CCND1: variants seen among roughly 807,000 people sequenced by gnomAD.
CCND1 encodes the protein G1/S-specific cyclin-D1.
CCND1 carries 9 observed loss-of-function variants against 26.1 expected under a neutral mutation model. The observed-to-expected ratio is 0.35, with a 90% CI of 0.21 to 0.60. The LOEUF is 0.60. Among genes scored for constraint, CCND1 ranks in the 20% least tolerant of loss-of-function variants. The pLI is 0.79. For synonymous variants in CCND1, 194 were observed against 166.1 expected, an observed-to-expected ratio of 1.17 and a Z score of -1.29; for missense variants, 335 against 392.9, an observed-to-expected ratio of 0.85 and a Z score of 1.25.
chr11:69,642,999 C>G (rs2120087559), intron 1 of CCND1, 32 bp from the exon 2 acceptor site: 1 of 1,473,156 alleles, frequency 6.8e-7, no homozygotes, highest in South Asian at 1.3e-5. Flanking sequence ...CGCGACCTGG[C>G]GGCGGCGGTC....
rs1051062 is a variant in CCND1 at position 69,653,740 on chromosome 11, T to A, written c.*2458T>A. Reference sequence around the variant, plus strand: ...ATAGTAGTTTTTACAGCTGTGTTATTCTTTGCGTGTAGCTATGGAAGTTGC... The same window carrying A: ...ATAGTAGTTTTTACAGCTGTGTTATACTTTGCGTGTAGCTATGGAAGTTGC... On this transcript the variant is annotated 3_prime_UTR_variant, in exon 5 of 5. Coordinates refer to ENST00000227507, the MANE Select transcript of CCND1 (RefSeq NM_053056.3). The A allele has an allele frequency of 6.6e-3, 1,926 of 290,078 alleles. 31 individuals carry two copies. The highest frequency in any genetic ancestry group is 6.1e-3 in the Non-Finnish European group (936 of 154,326). 18.0% of individuals were successfully genotyped at this position (290,078 alleles called of 1,614,324 possible).
rs893757435 is a variant in CCND1, at chr11:69,652,313, G to A, written c.*1031G>A. 2 of 233,494 alleles carry A rather than the reference G, an allele frequency of 8.6e-6. No individual in the cohort carries two copies. The highest frequency in any genetic ancestry group is 4.4e-5 in the African/African-American group (2 of 45,280). 14.5% of individuals were successfully genotyped at this position (233,494 alleles called of 1,614,324 possible). ...ATTTCCAAGCACTTTCAGTCCAATA[G>A]GTGTAGGAAATAGCGCTGTTTTTGT... On this transcript the variant is annotated 3_prime_UTR_variant, in exon 5 of 5. Coordinates refer to ENST00000227507, the MANE Select transcript of CCND1 (RefSeq NM_053056.3).
At chr11:69,642,842 T>C (rs1348620306) in intron 1 of CCND1, among the ~76,000 whole-genome samples, 189 bp from the exon 2 acceptor site, 2 of 145,136 alleles carry the variant, frequency 1.4e-5, no homozygotes, top group East Asian at 4.7e-4. Flanking sequence ...CCTTTCAGTT[T>C]CGGGGAGGGT....
chr11:69,647,883 C>T (rs1171525680), intron 3 of CCND1, 111 bp from the exon 4 acceptor site: 1 of 1,265,936 alleles, frequency 7.9e-7, no homozygotes, highest in Admixed American at 2.0e-5. Context: ...CGAGTGCTTC[C>T]CTTCAGGCCG....
At chr11:69,645,118 G>A (rs188866568) in intron 3 of CCND1, among the ~76,000 whole-genome samples, 65 of 152,242 alleles carry the variant, frequency 4.3e-4, no homozygotes, top group Non-Finnish European at 7.5e-4. Flanking sequence ...GTTTCCAAGC[G>A]AGTCCCCAAG....
intron 3 of CCND1, among the ~76,000 whole-genome samples, chr11:69,646,457 C>G (rs1285031035): frequency 6.6e-6 from 1 of 152,182 alleles, no homozygotes; most frequent in Non-Finnish European, 1.5e-5. Context: ...GATGGGCCGC[C>G]ACACCCCTGG....
intron 2 of CCND1, 147 bp from the exon 3 acceptor site, chr11:69,643,685 C>G: frequency 4.4e-6 from 3 of 676,288 alleles, no homozygotes; most frequent in Non-Finnish European, 4.9e-6. Flanking sequence ...GCCAGCCCTC[C>G]CCTCCAACAT....
rs1565224527 is a variant in CCND1 at position 69,641,463 on chromosome 11, G to C, written c.150G>C (p.Lys50Asn). The C allele has an allele frequency of 6.2e-7, 1 of 1,613,328 alleles. No individual in the cohort carries two copies. Among genetic ancestry groups the C allele is most frequent in the Non-Finnish European group, 8.5e-7 (1 of 1,180,042 alleles). ...PSVSYFKCVQ[K>N]EVLPSMRKIV... is the part of the protein sequence containing the mutation. ...TGTCCTACTTCAAATGTGTGCAGAAGGAGGTCCTGCCGTCCATGCGGAAGA... is the reference window on the plus strand; with the variant it reads ...TGTCCTACTTCAAATGTGTGCAGAACGAGGTCCTGCCGTCCATGCGGAAGA... Residue 50 changes from lysine (K) to asparagine (N), a missense_variant, in exon 1 of 5, where the codon AAG (lysine) becomes AAC (asparagine). By Grantham distance (94) the Lys-to-Asn change is moderately conservative. Transcript: ENST00000227507.
chr11:69,648,850 C>T (rs997350432), intron 4 of CCND1, among the ~76,000 whole-genome samples: 2 of 152,006 alleles, frequency 1.3e-5, no homozygotes, highest in Non-Finnish European at 2.9e-5. Flanking sequence ...TGGCCTGGGC[C>T]GCCTCTTGGT....
chr11:69,641,244 A>G lies in CCND1; in HGVS notation c.-70A>G, dbSNP rs537554099. 13 of 1,445,010 alleles carry G rather than the reference A, an allele frequency of 9.0e-6. No homozygotes were observed. In the East Asian group the frequency reaches 2.3e-4, roughly 25 times the overall value. The allele number at this position is 1,445,010 out of a possible 1,614,324, so 89.5% of individuals were successfully genotyped here. A position where few individuals can be genotyped will look rare whatever the true frequency, so the allele number is the denominator to read the frequency against. On this transcript the variant is annotated 5_prime_UTR_variant, in exon 1 of 5. Coordinates refer to ENST00000227507, the MANE Select transcript of CCND1 (RefSeq NM_053056.3). ...AGCGCGAGGGAGCGCGGGGCAGCAG[A>G]AGCGAGAGCCGAGCGCGGACCCAGC...
At chr11:69,641,575 T>A (rs2120082475) in intron 1 of CCND1, 64 bp downstream of exon 1, 1 of 1,473,380 alleles carries the variant, frequency 6.8e-7, no homozygotes, top group Non-Finnish European at 9.4e-7. Context: ...CCCACGTTTC[T>A]TTGCTACTCA....
intron 4 of CCND1, among the ~76,000 whole-genome samples, chr11:69,648,901 A>G (rs1259737832): frequency 6.6e-6 from 1 of 152,104 alleles, no homozygotes; most frequent in African/African-American, 2.4e-5. Flanking sequence ...CACGGGTCTC[A>G]GCAGATGCTA....
intron 4 of CCND1, among the ~76,000 whole-genome samples, chr11:69,650,324 C>T (rs1453267565): frequency 2.0e-5 from 3 of 152,216 alleles, no homozygotes; most frequent in African/African-American, 4.8e-5. Context: ...TGGGACTTGC[C>T]CGTGGTGGAG....
Position 69,641,395 on chromosome 11 carries a change from C to T in CCND1, c.82C>T (p.Leu28=), listed in dbSNP as rs776568792. The T allele has an allele frequency of 1.9e-6, 3 of 1,613,494 alleles. No homozygotes were observed. Among genetic ancestry groups the T allele is most frequent in the Admixed American group, 3.3e-5 (2 of 60,028 alleles). Reference sequence around the variant, plus strand: ...TGCCAACCTCCTCAACGACCGGGTGCTGCGGGCCATGCTGAAGGCGGAGGA... The same window carrying T: ...TGCCAACCTCCTCAACGACCGGGTGTTGCGGGCCATGCTGAAGGCGGAGGA... The part of the protein sequence containing the change: ...PDANLLNDRV[L]RAMLKAEETC... The change falls in exon 1 of 5, where the codon CTG becomes TTG. Residue 28 remains leucine, a synonymous_variant. Transcript: ENST00000227507.
At chr11:69,643,532 C>G (rs907744528) in intron 2 of CCND1, among the ~76,000 whole-genome samples, 1 of 152,248 alleles carries the variant, frequency 6.6e-6, no homozygotes, top group African/African-American at 2.4e-5. Flanking sequence ...ACGAGGAGCG[C>G]CGCGCTCGGC....
rs1855747225 is a variant in CCND1, at chr11:69,643,998, C to CA, written c.574+8dup. ...GTTGCCCTCTGTGCCACAGGTAGGG[C>CA]AGGCCCGGCAGCCCCCGGCCTCCCC... On this transcript the variant is annotated splice_region_variant and intron_variant, in intron 3 of 4. Transcript: ENST00000227507. The CA allele has an allele frequency of 6.2e-7, 1 of 1,612,946 alleles. No homozygotes were observed. The highest frequency in any genetic ancestry group is 1.3e-5 in the African/African-American group (1 of 74,948).
In CCND1 at chr11:69,651,316, C is replaced by T. The variant is rs1315426736; in HGVS notation, c.*34C>T. 1.4e-6 allele frequency: 2 copies of T among 1,431,962 alleles called. No individual in the cohort carries two copies. The highest frequency in any genetic ancestry group is 1.8e-6 in the Non-Finnish European group (2 of 1,088,548). 88.7% of individuals were successfully genotyped at this position (1,431,962 alleles called of 1,614,324 possible). Reference sequence around the variant, plus strand: ...GGCAGGCGGGCGCCACCGCCACCCGCAGCGAGGGCGGAGCCGGCCCCAGGT... The same window carrying T: ...GGCAGGCGGGCGCCACCGCCACCCGTAGCGAGGGCGGAGCCGGCCCCAGGT... On this transcript the variant is annotated 3_prime_UTR_variant, in exon 5 of 5. Coordinates refer to ENST00000227507, the MANE Select transcript of CCND1 (RefSeq NM_053056.3).
intron 3 of CCND1, among the ~76,000 whole-genome samples, chr11:69,644,434 C>A (rs926755330): frequency 6.6e-6 from 1 of 152,234 alleles, no homozygotes; most frequent in Admixed American, 6.5e-5. Context: ...CTGCCAGAGG[C>A]GCCTCCAGGG....
intron 4 of CCND1, 67 bp from the exon 5 acceptor site, chr11:69,651,051 G>A: frequency 1.4e-6 from 2 of 1,476,666 alleles, no homozygotes; most frequent in Non-Finnish European, 1.8e-6. Flanking sequence ...ACCTGGGAAG[G>A]GGCCCTCGCT....
Sources: allele counts gnomAD v4.1 joint callset (sites outside exome capture counted in the v4.1 genomes callset), GRCh38; gene constraint gnomAD v4.1.1; transcripts MANE v1.5; gene names NCBI Gene and HGNC (gene_info 2026-07-23, HGNC 2026-07-21).